Variants in DHRS4 observed in about 807,000 individuals in gnomAD.
DHRS4 encodes dehydrogenase/reductase 4.
A neutral mutation model predicts 28.4 loss-of-function variants in DHRS4; 20 were observed. The observed-to-expected ratio is 0.71, with a 90% CI of 0.50 to 1.02. The LOEUF (loss-of-function observed/expected upper bound fraction) is 1.02. Among genes scored for constraint, DHRS4 ranks in the 50% least tolerant of loss-of-function variants. DHRS4 has a pLI of 0.00. For synonymous variants in DHRS4, 144 were observed against 146.4 expected (o/e 0.98, Z 0.12); for missense variants, 378 against 367.2 (o/e 1.03, Z -0.24).
chr14:23,965,885 G>T lies in DHRS4; in HGVS notation c.480-47G>T, dbSNP rs1269003426. 5.8e-5 allele frequency: 93 copies of T among 1,606,570 alleles called. 5 individuals carry two copies. The highest frequency in any genetic ancestry group is 7.7e-5 in the Non-Finnish European group (91 of 1,176,240). ...GAGAGGGGACACCACACGGGCTGAG[G>T]GCACTGGTCCACAATGGGAAGATGG... is the stretch of plus-strand genomic sequence containing the variant. On this transcript the variant is annotated intron_variant, in intron 4 of 7. Coordinates refer to ENST00000313250, the MANE Select transcript of DHRS4 (RefSeq NM_021004.4).
At chr14:23,962,632 C>G (rs1158345589) in intron 3 of DHRS4, among the ~76,000 whole-genome samples, 4 of 151,886 alleles carry the variant, frequency 2.6e-5, no homozygotes, top group Non-Finnish European at 4.4e-5. Flanking sequence ...GTTCCTTCCT[C>G]TGATGCAGTC....
At chr14:23,955,938 T>TAC (rs1472523259) in intron 2 of DHRS4, among the ~76,000 whole-genome samples, 3 of 152,244 alleles carry the variant, frequency 2.0e-5, no homozygotes, top group Non-Finnish European at 4.4e-5. Flanking sequence ...GCTCACGGCA[T>TAC]ACACTTTATT....
Position 23,968,659 on chromosome 14 carries a change from A to G in DHRS4, c.723-98A>G. 31 of 1,548,226 alleles carry G rather than the reference A, an allele frequency of 2.0e-5. 1 individual carries two copies. The highest frequency in any genetic ancestry group is 2.6e-5 in the Non-Finnish European group (30 of 1,145,166). On this transcript the variant is annotated intron_variant, in intron 7 of 7. Transcript: ENST00000313250. ...ACACTGACCCTGAAAAAGCCATCTG[A>G]TAATTCTTGATTAAGCAAATTTAAC...
Position 23,955,102 on chromosome 14 carries a change from C to T in DHRS4, c.196C>T (p.Gln66Ter). 3.1e-6 allele frequency: 5 copies of T among 1,614,188 alleles called. No individual in the cohort carries two copies. In the South Asian group the frequency reaches 3.3e-5, roughly 11 times the overall value. ...GAHVVVSSRK[Q>*]QNVDQAVATL... ...CCATGTGGTCGTCAGCAGCCGGAAG[C>T]AGCAGAATGTGGACCAGGCGGTGGC... The change falls in exon 2 of 8, where the codon CAG (glutamine) becomes TAG (stop). Residue 66 changes from glutamine (Q) to a stop codon, truncating the protein, a stop_gained. Transcript: ENST00000313250. LOFTEE classifies it high-confidence loss of function.
At chr14:23,964,871 C>A (rs2033560018) in intron 3 of DHRS4, among the ~76,000 whole-genome samples, 1 of 150,752 alleles carries the variant, frequency 6.6e-6, no homozygotes, top group African/African-American at 2.4e-5. Context: ...GCCACCATGC[C>A]CAGCCCTGAG....
rs1437333427 is a variant in DHRS4 at position 23,968,920 on chromosome 14, C to T, written c.*49C>T. On this transcript the variant is annotated 3_prime_UTR_variant, in exon 8 of 8. Transcript: ENST00000313250. ...CAGAGTTGGGCTCTAGCTCCTGGTG[C>T]TGTTCCCGCATTCACCCACTGGCCT... 3 of 1,605,218 alleles carry T rather than the reference C, an allele frequency of 1.9e-6. No homozygotes were observed. The African/African-American group carries it at 4.0e-5, about 22-fold the overall frequency.
chr14:23,961,510 T>C (rs2033411781), intron 3 of DHRS4, among the ~76,000 whole-genome samples: 1 of 118,290 alleles, frequency 8.5e-6, no homozygotes, highest in Non-Finnish European at 1.6e-5. Context: ...TTAGACAGAC[T>C]CTTGCTCTGT....
In DHRS4 at chr14:23,963,552, A is replaced by C. The variant is rs1399265388; in HGVS notation, c.409-2210A>C. Among the ~76,000 whole-genome samples the C allele has an allele frequency of 7.6e-4, 113 of 149,144 alleles. 9 individuals carry two copies. Among genetic ancestry groups the C allele is most frequent in the Admixed American group, 7.6e-3 (113 of 14,942 alleles). Reference sequence around the variant, plus strand: ...CTCAGCCTTCAAAGAATTAAAAATTAGGGCCTTTTACTGATTAGGCTTTGG... The same window carrying C: ...CTCAGCCTTCAAAGAATTAAAAATTCGGGCCTTTTACTGATTAGGCTTTGG... On this transcript the variant is annotated intron_variant, in intron 3 of 7. Transcript: ENST00000313250.
At chr14:23,954,629 G>A (rs968458501) in intron 1 of DHRS4, among the ~76,000 whole-genome samples, 4 of 152,196 alleles carry the variant, frequency 2.6e-5, no homozygotes, top group African/African-American at 9.7e-5. Context: ...AAATAACTAA[G>A]GATAGAATTT....
At chr14:23,966,454 T>C (rs769564007) in intron 6 of DHRS4, 37 bp downstream of exon 6, 9 of 1,611,168 alleles carry the variant, frequency 5.6e-6, no homozygotes, top group Non-Finnish European at 5.9e-6. Flanking sequence ...CTGGGACCCC[T>C]TGAAAGGCAT....
rs71119059 is a variant in DHRS4, at chr14:23,964,220, TAAAAAAAAAAAAAAAAAA to T, written c.409-1525_409-1508del. ...AGGGTTGCCACGAAACTGCAATTTG[TAAAAAAAAAAAAAAAAAA>T]AAAAAAAAAAAAAAAACACAATATC... On this transcript the variant is annotated intron_variant, in intron 3 of 7. Transcript: ENST00000313250. Among the ~76,000 whole-genome samples, 8 of 34,504 alleles carry T rather than the reference TAAAAAAAAAAAAAAAAAA, an allele frequency of 2.3e-4. 1 individual carries two copies. Among genetic ancestry groups the T allele is most frequent in the East Asian group, 1.3e-3 (2 of 1,524 alleles). The allele number at this position is 34,504 out of a possible 152,430, so 22.6% of individuals were successfully genotyped here.
chr14:23,959,825 G>A (rs929303196), intron 2 of DHRS4, 77 bp from the exon 3 acceptor site: 1 of 1,539,832 alleles, frequency 6.5e-7, no homozygotes, highest in East Asian at 2.3e-5. Context: ...TGCCCAGAAG[G>A]AAGTTTTTAT....
intron 1 of DHRS4, 75 bp downstream of exon 1, chr14:23,953,991 G>A: frequency 3.9e-6 from 6 of 1,534,892 alleles, no homozygotes; most frequent in Non-Finnish European, 5.3e-6. Context: ...CTCGGCCTCC[G>A]GTGCCCCTGT....
intron 2 of DHRS4, among the ~76,000 whole-genome samples, chr14:23,956,211 G>C (rs1253405971): frequency 9.8e-5 from 15 of 152,356 alleles, no homozygotes; most frequent in Non-Finnish European, 1.8e-4. Flanking sequence ...TTAGGCTGAT[G>C]GACAGACCCC....
intron 4 of DHRS4, 30 bp downstream of exon 4, chr14:23,965,862 G>T: frequency 1.2e-6 from 2 of 1,606,756 alleles, no homozygotes; most frequent in Non-Finnish European, 1.7e-6. Flanking sequence ...GCCTGGGTGA[G>T]AGGGGACACC....
chr14:23,964,205 C>A (rs72488277), intron 3 of DHRS4, among the ~76,000 whole-genome samples: 1 of 87,172 alleles, frequency 1.1e-5, no homozygotes, highest in African/African-American at 4.0e-5. Context: ...AGGGTTGCCA[C>A]GAAACTGCAA....
chr14:23,967,154 TAAAAAG>T (rs1296348700), intron 6 of DHRS4, 51 bp from the exon 7 acceptor site: 8 of 1,558,718 alleles, frequency 5.1e-6, no homozygotes, highest in African/African-American at 4.3e-5. Flanking sequence ...ACTCCGTCTC[TAAAAAG>T]AAAAAGAAAA....
chr14:23,955,822 T>G (rs2033114691), intron 2 of DHRS4, among the ~76,000 whole-genome samples: 1 of 152,214 alleles, frequency 6.6e-6, no homozygotes, highest in Non-Finnish European at 1.5e-5. Context: ...GACTTTAGTC[T>G]CAAAGAAAGT....
intron 7 of DHRS4, 105 bp from the exon 8 acceptor site, chr14:23,968,652 C>A: frequency 6.5e-7 from 1 of 1,542,012 alleles, no homozygotes; most frequent in Non-Finnish European, 8.8e-7. Context: ...CCTGAAAAAG[C>A]CATCTGATAA....
Sources: allele counts gnomAD v4.1 joint callset (sites outside exome capture counted in the v4.1 genomes callset), GRCh38; gene constraint gnomAD v4.1.1; transcripts MANE v1.5; gene names NCBI Gene and HGNC (gene_info 2026-07-23, HGNC 2026-07-21).